Variants in CNTLN observed in about 807,000 individuals in gnomAD.
CNTLN encodes the protein centlein, centrosomal protein.
CNTLN carries 212 observed loss-of-function variants against 180.0 expected under a neutral mutation model. The ratio of observed to expected loss-of-function variants is 1.18; its 90% CI spans 1.05 to 1.32. The LOEUF is 1.32. CNTLN is among the 40% of genes most tolerant of loss of function. The pLI is 0.00. For synonymous variants in CNTLN, 722 were observed against 563.1 expected, an observed-to-expected ratio of 1.28 and a Z score of -3.99; for missense variants, 2,095 against 1,610.9, an observed-to-expected ratio of 1.30 and a Z score of -5.14.
chr9:17,262,446 G>T lies in CNTLN; in HGVS notation c.850-11287G>T, dbSNP rs141467855. Among the ~76,000 whole-genome samples, 434 of 151,446 alleles carry T rather than the reference G, an allele frequency of 2.9e-3. 9 individuals carry two copies. The highest frequency in any genetic ancestry group is 0.01 in the African/African-American group (417 of 40,854). On this transcript the variant is annotated intron_variant, in intron 5 of 25. Coordinates refer to ENST00000380647, the MANE Select transcript of CNTLN (RefSeq NM_017738.4). The stretch of plus-strand genomic sequence containing the variant: ...TGCAGGGACATGGATGAAGATGGAA[G>T]CTATCATCCTCAGCAAACTAACACA...
chr9:17,304,542 C>T (rs1818578732), intron 7 of CNTLN, among the ~76,000 whole-genome samples: 2 of 152,048 alleles, frequency 1.3e-5, no homozygotes, highest in African/African-American at 2.4e-5. Context: ...TATTAAATTA[C>T]ATGTTAAATT....
chr9:17,294,767 C>T (rs76062797), intron 6 of CNTLN, among the ~76,000 whole-genome samples: 7 of 72,404 alleles, frequency 9.7e-5, no homozygotes, highest in African/African-American at 1.2e-4. Context: ...AGGAGCCCAC[C>T]GCGGGGGGAG....
In CNTLN at chr9:17,465,969, C is replaced by G; in HGVS notation, c.3532-12C>G. The G allele has an allele frequency of 6.3e-7, 1 of 1,590,322 alleles. No homozygotes were observed. The highest frequency in any genetic ancestry group is 8.6e-7 in the Non-Finnish European group (1 of 1,166,076). ...TTCAACAATAATAATTACCTTTATG[C>G]TTTTAATGTAGGTAAAGACATTAAC... is the stretch of plus-strand genomic sequence containing the variant. On this transcript the variant is annotated splice_polypyrimidine_tract_variant and intron_variant, in intron 21 of 25. Transcript: ENST00000380647.
chr9:17,194,634 T>C (rs927292905), intron 2 of CNTLN, among the ~76,000 whole-genome samples: 3 of 152,202 alleles, frequency 2.0e-5, no homozygotes, highest in African/African-American at 7.2e-5. Context: ...TTCCAAACTT[T>C]CCCAAATTTT....
At chr9:17,333,575 A>G (rs1017852511) in intron 10 of CNTLN, among the ~76,000 whole-genome samples, 8 of 152,182 alleles carry the variant, frequency 5.3e-5, no homozygotes, top group African/African-American at 1.9e-4. Flanking sequence ...TGTTCAGTTT[A>G]GATTATGTGT....
chr9:17,349,283 A>G (rs113824972), intron 12 of CNTLN, among the ~76,000 whole-genome samples: 14 of 152,248 alleles, frequency 9.2e-5, no homozygotes, highest in African/African-American at 3.4e-4. Context: ...TTGTTTTTCT[A>G]TGGGCCAGGC....
chr9:17,279,338 G>C (rs1187591627), intron 6 of CNTLN, among the ~76,000 whole-genome samples: 1 of 151,934 alleles, frequency 6.6e-6, no homozygotes, highest in East Asian at 1.9e-4. Context: ...TGTTTGTTTT[G>C]ATTCATCTCA....
chr9:17,229,723 G>A (rs1824694111), intron 3 of CNTLN, among the ~76,000 whole-genome samples: 1 of 152,038 alleles, frequency 6.6e-6, no homozygotes, highest in Non-Finnish European at 1.5e-5. Context: ...ATCTAGACTG[G>A]TGTTAGATAA....
chr9:17,476,478 G>A (rs1172278886), intron 23 of CNTLN, among the ~76,000 whole-genome samples: 1 of 152,136 alleles, frequency 6.6e-6, no homozygotes, highest in East Asian at 1.9e-4. Flanking sequence ...GCTGAAACTA[G>A]GCCTTTTGCA....
At chr9:17,202,646 GT>G (rs57960408) in intron 2 of CNTLN, among the ~76,000 whole-genome samples, 967 of 71,316 alleles carry the variant, frequency 0.014, 11 homozygotes, top group Admixed American at 0.042. Context: ...TGCAACCTCT[GT>G]TTTTTTTTTT....
At chr9:17,230,061 C>A (rs1460242802) in intron 3 of CNTLN, among the ~76,000 whole-genome samples, 1 of 152,140 alleles carries the variant, frequency 6.6e-6, no homozygotes, top group African/African-American at 2.4e-5. Context: ...GTTCATAGAG[C>A]TCTGCTCCGC....
intron 2 of CNTLN, among the ~76,000 whole-genome samples, chr9:17,206,356 T>C (rs552583589): frequency 4.6e-5 from 7 of 152,344 alleles, no homozygotes; most frequent in South Asian, 2.1e-4. Flanking sequence ...ACTGGACTTA[T>C]GTTATCAGAT....
chr9:17,309,010 A>C, intron 7 of CNTLN, 48 bp from the exon 8 acceptor site: 1 of 1,286,598 alleles, frequency 7.8e-7, no homozygotes, highest in Non-Finnish European at 1.1e-6. Context: ...ACACAGACAC[A>C]TAGTTTTATT....
intron 5 of CNTLN, among the ~76,000 whole-genome samples, chr9:17,271,064 C>G (rs1234727869): frequency 2.0e-5 from 3 of 150,944 alleles, no homozygotes; most frequent in Non-Finnish European, 2.9e-5. Context: ...CATTCTCCTG[C>G]CTCAGCCTCC....
chr9:17,243,469 GTAC>G (rs1463235398), intron 5 of CNTLN, among the ~76,000 whole-genome samples: 3 of 152,054 alleles, frequency 2.0e-5, no homozygotes, highest in Non-Finnish European at 4.4e-5. Context: ...TTTGCTTTTA[GTAC>G]TACTTTCACT....
chr9:17,447,735 A>C (rs930055202), intron 18 of CNTLN: 1 of 154,458 alleles, frequency 6.5e-6, no homozygotes, highest in Non-Finnish European at 1.5e-5. Flanking sequence ...GGTAAGATGG[A>C]AGAATTCTGA....
intron 23 of CNTLN, among the ~76,000 whole-genome samples, chr9:17,479,739 T>C (rs1038842214): frequency 1.3e-5 from 2 of 151,960 alleles, no homozygotes; most frequent in Non-Finnish European, 2.9e-5. Flanking sequence ...AATAGTTGAC[T>C]CTAGAGAGAG....
At chr9:17,266,993 A>G (rs1312964213) in intron 5 of CNTLN, among the ~76,000 whole-genome samples, 3 of 152,148 alleles carry the variant, frequency 2.0e-5, no homozygotes, top group African/African-American at 7.2e-5. Context: ...TCTTTATCCA[A>G]TTTGCCAGTC....
intron 23 of CNTLN, among the ~76,000 whole-genome samples, chr9:17,473,604 AAAC>A (rs1032679940): frequency 6.1e-5 from 9 of 148,234 alleles, no homozygotes; most frequent in African/African-American, 2.0e-4. Flanking sequence ...AAAAAAAAAA[AAAC>A]AAAACAAAAA....
Sources: allele counts gnomAD v4.1 joint callset (sites outside exome capture counted in the v4.1 genomes callset), GRCh38; gene constraint gnomAD v4.1.1; transcripts MANE v1.5; gene names NCBI Gene and HGNC (gene_info 2026-07-23, HGNC 2026-07-21).